LRRFIP1: variants seen among roughly 807,000 people sequenced by gnomAD.
LRRFIP1 encodes the protein LRR binding FLII interacting protein 1.
LRRFIP1 carries 62 observed loss-of-function variants against 104.4 expected under a neutral mutation model. That is an observed-to-expected ratio of 0.59 (90% CI 0.48 to 0.73). LRRFIP1 has a LOEUF of 0.73. Among genes scored for constraint, LRRFIP1 ranks in the 30% least tolerant of loss-of-function variants. The probability of loss-of-function intolerance (pLI) is 0.00; values close to 1 mark genes in which losing one functional copy is unlikely to be tolerated. For synonymous variants in LRRFIP1, 300 were observed against 299.0 expected, an observed-to-expected ratio of 1.00 and a Z score of -0.03; for missense variants, 796 against 824.5, an observed-to-expected ratio of 0.97 and a Z score of 0.42.
chr2:237,635,322 A>C (rs908685273), intron 1 of LRRFIP1, among the ~76,000 whole-genome samples: 2 of 152,256 alleles, frequency 1.3e-5, no homozygotes. Context: ...AGTAATATAC[A>C]GAAAATAAAG....
At chr2:237,742,885 G>A (rs1157527088) in intron 11 of LRRFIP1, among the ~76,000 whole-genome samples, 1 of 152,106 alleles carries the variant, frequency 6.6e-6, no homozygotes, top group Non-Finnish European at 1.5e-5. Context: ...GTGCTCTGAG[G>A]CAGGGAGTTT....
intron 1 of LRRFIP1, among the ~76,000 whole-genome samples, chr2:237,666,777 CTG>C (rs1439504773): frequency 2.4e-5 from 2 of 84,316 alleles, no homozygotes; most frequent in East Asian, 8.7e-4. Context: ...CTCTTTCTCT[CTG>C]TCTCTTTCTT....
chr2:237,760,171 A>T lies in LRRFIP1; in HGVS notation c.1425A>T (p.Leu475Phe). ...CTACCAAGATGACAAAAGAAGAGTTAAATGCCCTCAAGTCGACAGGGGATG... is the reference window on the plus strand; with the variant it reads ...CTACCAAGATGACAAAAGAAGAGTTTAATGCCCTCAAGTCGACAGGGGATG... ...QGPTKMTKEE[L>F]NALKSTGDGT... The change falls in exon 19 of 24, where the codon TTA becomes TTT. Residue 475 changes from leucine to phenylalanine, a missense_variant. Leu to Phe is a conservative substitution (Grantham distance 22). Transcript: ENST00000308482. 6.2e-7 allele frequency: 1 copy of T among 1,614,154 alleles called. No individual in the cohort carries two copies. Among genetic ancestry groups the T allele is most frequent in the Non-Finnish European group, 8.5e-7 (1 of 1,180,010 alleles).
intron 1 of LRRFIP1, among the ~76,000 whole-genome samples, chr2:237,673,647 T>C (rs2090693685): frequency 6.6e-6 from 1 of 152,102 alleles, no homozygotes; most frequent in Non-Finnish European, 1.5e-5. Context: ...AGGCCCTGGG[T>C]CCGTGTTTGT....
intron 1 of LRRFIP1, among the ~76,000 whole-genome samples, chr2:237,643,819 G>T (rs909000990): frequency 6.6e-6 from 1 of 152,212 alleles, no homozygotes; most frequent in South Asian, 2.1e-4. Context: ...TTTCAAACTA[G>T]AACAAGATTT....
At chr2:237,632,179 G>A (rs1409831690) in intron 1 of LRRFIP1, among the ~76,000 whole-genome samples, 4 of 150,428 alleles carry the variant, frequency 2.7e-5, no homozygotes, top group African/African-American at 9.8e-5. Context: ...TGCCCCCAAG[G>A]AGTCCAGTTG....
intron 1 of LRRFIP1, among the ~76,000 whole-genome samples, chr2:237,690,464 C>T (rs531292194): frequency 6.6e-6 from 1 of 152,194 alleles, no homozygotes; most frequent in African/African-American, 2.4e-5. Context: ...AGGCCAGGCG[C>T]GGTGGCTCAC....
At chr2:237,764,080 A>G (rs1217637469) in intron 19 of LRRFIP1, 3 of 1,614,094 alleles carry the variant, frequency 1.9e-6, no homozygotes, top group African/African-American at 2.7e-5. Context: ...CAGAAAGCAG[A>G]GAAGATACCA....
chr2:237,725,317 GC>G (rs2094698875), intron 7 of LRRFIP1, among the ~76,000 whole-genome samples: 1 of 152,302 alleles, frequency 6.6e-6, no homozygotes, highest in African/African-American at 2.4e-5. Context: ...CATGGAACCA[GC>G]AAAGTGAACA....
chr2:237,700,655 G>A (rs1201596940), intron 1 of LRRFIP1, among the ~76,000 whole-genome samples: 2 of 152,178 alleles, frequency 1.3e-5, no homozygotes, highest in African/African-American at 4.8e-5. Context: ...TCTGACATCT[G>A]AGGAGAGCTG....
In LRRFIP1 at chr2:237,760,119, C is replaced by T; in HGVS notation, c.1373C>T (p.Thr458Ile). Residue 458 changes from threonine (T) to isoleucine (I), a missense_variant, in exon 19 of 24, where the codon ACC becomes ATC. By Grantham distance (89) the Thr-to-Ile change is moderately conservative. Coordinates refer to ENST00000308482, the MANE Select transcript of LRRFIP1 (RefSeq NM_001137550.2). ...GCTACCAATGGAGAGACTTCCGACA[C>T]CCTCAATAATGTTGGATACCAAGGT... is the stretch of plus-strand genomic sequence containing the variant. ...EIATNGETSD[T>I]LNNVGYQGPT... 1 of 1,613,676 alleles carries T rather than the reference C, an allele frequency of 6.2e-7. No individual in the cohort carries two copies. The highest frequency in any genetic ancestry group is 8.5e-7 in the Non-Finnish European group (1 of 1,179,636).
chr2:237,695,980 AAC>A (rs993314575), intron 1 of LRRFIP1, among the ~76,000 whole-genome samples: 3 of 126,066 alleles, frequency 2.4e-5, no homozygotes, highest in African/African-American at 8.6e-5. Context: ...AATAAACCAA[AAC>A]ACACACACAC....
At position 237,637,222 on chromosome 2, in the gene LRRFIP1, C is replaced by T. The variant is rs140845565; in HGVS notation, c.96+9482C>T. ...GTGTCTTGTGCCTGTAATCCCAGCACTTTGGGAGACCAAGGCGGGTGGATC... is the reference window on the plus strand; with the variant it reads ...GTGTCTTGTGCCTGTAATCCCAGCATTTTGGGAGACCAAGGCGGGTGGATC... On this transcript the variant is annotated intron_variant, in intron 1 of 23. Coordinates refer to ENST00000308482, the MANE Select transcript of LRRFIP1 (RefSeq NM_001137550.2). Among the ~76,000 whole-genome samples, 98 of 152,352 alleles carry T rather than the reference C, an allele frequency of 6.4e-4. 1 individual carries two copies. Among genetic ancestry groups the T allele is most frequent in the Non-Finnish European group, 1.2e-3 (79 of 68,038 alleles).
At chr2:237,698,556 C>T (rs1296369581) in intron 1 of LRRFIP1, among the ~76,000 whole-genome samples, 2 of 152,236 alleles carry the variant, frequency 1.3e-5, no homozygotes, top group African/African-American at 2.4e-5. Context: ...CCTGTGGGCC[C>T]GGCCAGGAGC....
chr2:237,669,323 T>G (rs1159154963), intron 1 of LRRFIP1, among the ~76,000 whole-genome samples: 2 of 152,236 alleles, frequency 1.3e-5, no homozygotes, highest in Non-Finnish European at 1.5e-5. Context: ...CTTGCATTTG[T>G]GTTGTCTGAG....
At position 237,729,042 on chromosome 2, in the gene LRRFIP1, C is replaced by T. The variant is rs530827416; in HGVS notation, c.444+1107C>T. On this transcript the variant is annotated intron_variant, in intron 8 of 23. Coordinates refer to ENST00000308482, the MANE Select transcript of LRRFIP1 (RefSeq NM_001137550.2). ...GGTTCGAGCGATTCTCCTGCCTCAG[C>T]CTCCCAAGTAGCTTGGATTACAGGC... is the stretch of plus-strand genomic sequence containing the variant. 4.6e-5 allele frequency among the ~76,000 whole-genome samples: 7 copies of T among 152,346 alleles called. No homozygotes were observed. The South Asian group carries it at 1.4e-3, about 32-fold the overall frequency.
intron 1 of LRRFIP1, among the ~76,000 whole-genome samples, chr2:237,685,108 T>G (rs111740585): frequency 0.063 from 713 of 11,380 alleles, 4 homozygotes; most frequent in East Asian, 0.13. Flanking sequence ...CTCCCTACCC[T>G]CCCCCCCCCA....
At chr2:237,640,659 C>T (rs1267714184) in intron 1 of LRRFIP1, among the ~76,000 whole-genome samples, 1 of 152,204 alleles carries the variant, frequency 6.6e-6, no homozygotes, top group Non-Finnish European at 1.5e-5. Context: ...AAGCACATTG[C>T]CGAACTTCTT....
In LRRFIP1 at chr2:237,627,707, G is replaced by C. The variant is rs539618279; in HGVS notation, c.63G>C (p.Ala21=). The C allele has an allele frequency of 3.0e-5, 41 of 1,366,296 alleles. No homozygotes were observed. In the African/African-American group the frequency reaches 6.1e-4, roughly 20 times the overall value. The allele number at this position is 1,366,296 out of a possible 1,614,324, so 84.6% of individuals were successfully genotyped here. ...KRLPNRERLT[A]EDDALNQIAR... ...TCCCCAACCGGGAGCGGCTCACGGC[G>C]GAGGACGACGCGCTCAACCAGATCG... Residue 21 remains alanine (A), a synonymous_variant, in exon 1 of 24, where the codon GCG becomes GCC. Coordinates refer to ENST00000308482, the MANE Select transcript of LRRFIP1 (RefSeq NM_001137550.2).
Sources: gnomAD v4.1 joint callset for allele counts (sites outside exome capture counted in the v4.1 genomes callset) on GRCh38, gnomAD v4.1.1 for gene constraint, MANE v1.5 for transcripts, NCBI Gene and HGNC (gene_info 2026-07-23, HGNC 2026-07-21) for gene names.